Variants in PLXNA4 observed in about 807,000 individuals in gnomAD.
The protein encoded by PLXNA4 is plexin-A4.
In PLXNA4, 44 loss-of-function variants were observed where a neutral mutation model predicts 191.8. That is an observed-to-expected ratio of 0.23 (90% CI 0.18 to 0.29). The LOEUF is 0.29. Among genes scored for constraint, PLXNA4 ranks in the 10% least tolerant of loss-of-function variants. The pLI, the probability that PLXNA4 is intolerant of heterozygous loss-of-function variation, is 1.00. For missense variants in PLXNA4, 1,800 were observed against 2,488.8 expected (o/e 0.72, Z 5.89); for synonymous variants, 1,082 against 1,009.5 (o/e 1.07, Z -1.36).
At chr7:132,414,790 A>G (rs571534000) in intron 3 of PLXNA4, among the ~76,000 whole-genome samples, 1 of 152,300 alleles carries the variant, frequency 6.6e-6, no homozygotes. Flanking sequence ...AGGATGTGCT[A>G]TGAGTTCCAT....
At chr7:132,307,282 C>T (rs917958983) in intron 3 of PLXNA4, among the ~76,000 whole-genome samples, 2 of 152,206 alleles carry the variant, frequency 1.3e-5, no homozygotes, top group Non-Finnish European at 2.9e-5. Context: ...CCCCTCTCCC[C>T]ATTCTGCTTT....
intron 2 of PLXNA4, among the ~76,000 whole-genome samples, chr7:132,636,854 G>A (rs952088262): frequency 4.6e-5 from 7 of 152,068 alleles, no homozygotes; most frequent in South Asian, 2.1e-4. Context: ...GCCAACCCTC[G>A]CCTTCGCTAT....
At chr7:132,635,170 T>TTATATATATATATATATATATATA (rs3037811) in intron 2 of PLXNA4, among the ~76,000 whole-genome samples, 6 of 131,808 alleles carry the variant, frequency 4.6e-5, no homozygotes, top group African/African-American at 8.5e-5. Flanking sequence ...AAACTCCCCT[T>TTATATATATATATATATATATATA]TATATATATA....
At chr7:132,138,569 G>A (rs1584753383) in intron 30 of PLXNA4, among the ~76,000 whole-genome samples, 1 of 152,148 alleles carries the variant, frequency 6.6e-6, no homozygotes, top group Non-Finnish European at 1.5e-5. Context: ...CTGTTTTCTC[G>A]ATCTATCTGT....
chr7:132,362,081 C>G (rs1258699691), intron 3 of PLXNA4, among the ~76,000 whole-genome samples: 1 of 152,088 alleles, frequency 6.6e-6, no homozygotes, highest in Admixed American at 6.5e-5. Flanking sequence ...CTACAGCCAC[C>G]AGGGGTTCTC....
chr7:132,214,977 C>G (rs899305293), intron 9 of PLXNA4, among the ~76,000 whole-genome samples: 23 of 152,146 alleles, frequency 1.5e-4, no homozygotes, highest in Non-Finnish European at 1.2e-4. Context: ...TTTGTTCTTT[C>G]CTCCTCTTTC....
intron 2 of PLXNA4, among the ~76,000 whole-genome samples, chr7:132,587,082 A>C (rs561153085): frequency 1.3e-5 from 2 of 152,338 alleles, no homozygotes; most frequent in African/African-American, 2.4e-5. Flanking sequence ...TAGGCAGACT[A>C]TACGTGCATT....
chr7:132,561,856 TATC>T (rs1801131776), intron 1 of PLXNA4, among the ~76,000 whole-genome samples: 3 of 93,132 alleles, frequency 3.2e-5, no homozygotes, highest in South Asian at 4.3e-4. Context: ...TCCTCCTCCT[TATC>T]CTCCTCTTTC....
Position 132,382,039 on chromosome 7 carries a change from A to G in PLXNA4, c.1372-83817T>C, listed in dbSNP as rs567691349. Among the ~76,000 whole-genome samples the G allele has an allele frequency of 1.2e-4, 19 of 152,302 alleles. No homozygotes were observed. In the South Asian group the frequency reaches 3.5e-3, roughly 28 times the overall value. ...AGAGGAGGGGGGAAAACACAGAAAA[A>G]GCCACAGGGCATGATAAAATACAAG... is the stretch of plus-strand genomic sequence containing the variant. On this transcript the variant is annotated intron_variant, in intron 3 of 31. Transcript: ENST00000321063.
chr7:132,543,957 GT>G (rs1563162471), intron 1 of PLXNA4, among the ~76,000 whole-genome samples: 1 of 152,222 alleles, frequency 6.6e-6, no homozygotes. Flanking sequence ...GAAGTACAGG[GT>G]TATTTCATGA....
intron 3 of PLXNA4, among the ~76,000 whole-genome samples, chr7:132,359,100 A>G (rs1803825847): frequency 6.6e-6 from 1 of 152,034 alleles, no homozygotes; most frequent in Non-Finnish European, 1.5e-5. Context: ...TCCTCTGCAA[A>G]TGGGTACTAC....
chr7:132,634,720 TCTGGCCACCAC>T (rs1803561230), intron 2 of PLXNA4, among the ~76,000 whole-genome samples: 1 of 152,204 alleles, frequency 6.6e-6, no homozygotes. Context: ...GAGATCCCCT[TCTGGCCACCAC>T]CTCTCACGTA....
chr7:132,400,765 G>T (rs951809072), intron 3 of PLXNA4, among the ~76,000 whole-genome samples: 1 of 152,118 alleles, frequency 6.6e-6, no homozygotes, highest in Non-Finnish European at 1.5e-5. Context: ...TGTCCTCCTC[G>T]GGAAAGCTCC....
At chr7:132,357,525 G>A (rs1803761062) in intron 3 of PLXNA4, among the ~76,000 whole-genome samples, 1 of 152,142 alleles carries the variant, frequency 6.6e-6, no homozygotes, top group South Asian at 2.1e-4. Context: ...TGTTCAGTTT[G>A]GAATCTTAAG....
chr7:132,310,043 G>A (rs1407602379), intron 3 of PLXNA4, among the ~76,000 whole-genome samples: 1 of 152,196 alleles, frequency 6.6e-6, no homozygotes, highest in Non-Finnish European at 1.5e-5. Context: ...CATCTTGAGG[G>A]CAGGTCAGTG....
In PLXNA4 at chr7:132,422,300, G is replaced by A. The variant is rs1204522748; in HGVS notation, c.1371+66992C>T. ...TGATCTCTCACCTCAGAGAGCAAGA[G>A]GGGAGAAGATGAACATCTATTTGGG... is the stretch of plus-strand genomic sequence containing the variant. On this transcript the variant is annotated intron_variant, in intron 3 of 31. Coordinates refer to ENST00000321063, the MANE Select transcript of PLXNA4 (RefSeq NM_020911.2). 3.9e-5 allele frequency among the ~76,000 whole-genome samples: 6 copies of A among 152,316 alleles called. No individual in the cohort carries two copies. In the East Asian group the frequency reaches 5.8e-4, roughly 15 times the overall value.
intron 4 of PLXNA4, among the ~76,000 whole-genome samples, chr7:132,272,676 C>T (rs1420693613): frequency 1.3e-5 from 2 of 152,198 alleles, no homozygotes; most frequent in African/African-American, 4.8e-5. Context: ...ACCAATCTCT[C>T]ATCTTAACTT....
In PLXNA4 at chr7:132,507,666, T is replaced by C; in HGVS notation, c.1028A>G (p.Gln343Arg). 6.2e-7 allele frequency: 1 copy of C among 1,614,242 alleles called. No individual in the cohort carries two copies. Among genetic ancestry groups the C allele is most frequent in the South Asian group, 1.1e-5 (1 of 91,088 alleles). ...ATCCAGGGATTTCATTTTCCGCTTC[T>C]GGCCCTTGGAGAAGACGGTGAAGAG... The part of the protein sequence containing the change: ...DLLFTVFSKG[Q>R]KRKMKSLDES... The change falls in exon 2 of 32, where the codon CAG (glutamine) becomes CGG (arginine). Residue 343 changes from glutamine to arginine, a missense_variant. Transcript: ENST00000321063.
intron 4 of PLXNA4, among the ~76,000 whole-genome samples, chr7:132,285,666 A>G (rs1800656953): frequency 6.6e-6 from 1 of 152,260 alleles, no homozygotes; most frequent in Admixed American, 6.5e-5. Context: ...ATCGTGAACA[A>G]GGGCATAAAT....
Sources: allele counts gnomAD v4.1 joint callset (sites outside exome capture counted in the v4.1 genomes callset), GRCh38; gene constraint gnomAD v4.1.1; transcripts MANE v1.5; gene names NCBI Gene and HGNC (gene_info 2026-07-23, HGNC 2026-07-21).